The following PHKB variants were observed in gnomAD, a reference collection of about 807,000 sequenced individuals.
The protein encoded by PHKB is phosphorylase b kinase regulatory subunit beta.
Under a neutral mutation model 152.1 loss-of-function variants are expected in PHKB, and 122 were observed. The ratio of observed to expected loss-of-function variants is 0.80; its 90% CI spans 0.69 to 0.93. PHKB has a LOEUF of 0.93. PHKB is among the 40% of genes least tolerant of loss of function. PHKB has a pLI of 0.00. For synonymous variants in PHKB, 436 were observed against 464.9 expected, an observed-to-expected ratio of 0.94 and a Z score of 0.80; for missense variants, 1,304 against 1,328.4, an observed-to-expected ratio of 0.98 and a Z score of 0.29.
chr16:47,619,527 T>C (rs1972581253), intron 14 of PHKB: 1 of 152,126 alleles, frequency 6.6e-6, no homozygotes, highest in African/African-American at 2.4e-5. Context: ...TCTATAACAG[T>C]AATTTTAGTA....
chr16:47,516,345 C>T (rs1970597252), intron 6 of PHKB, among the ~76,000 whole-genome samples: 1 of 152,086 alleles, frequency 6.6e-6, no homozygotes, highest in African/African-American at 2.4e-5. Context: ...TCATGTTTTT[C>T]AAAAGACAAA....
Position 47,650,607 on chromosome 16 carries a change from A to G in PHKB, c.1861A>G (p.Ile621Val). The G allele has an allele frequency of 6.2e-7, 1 of 1,608,014 alleles. No individual in the cohort carries two copies. The highest frequency in any genetic ancestry group is 8.5e-7 in the Non-Finnish European group (1 of 1,174,488). The change falls in exon 19 of 31, where the codon ATC (isoleucine) becomes GTC (valine). Residue 621 changes from isoleucine to valine, a missense_variant. Coordinates refer to ENST00000323584, the MANE Select transcript of PHKB (RefSeq NM_000293.3). ...MHGRPLFLVLIREDNIRGSRF... is the reference protein window; with the variant it reads ...MHGRPLFLVLVREDNIRGSRF... ...TGGACGTCCACTTTTCCTTGTTCTC[A>G]TCCGGGAAGACAATATAAGGTAGGT...
chr16:47,662,431 C>T (rs1055245708), intron 23 of PHKB, among the ~76,000 whole-genome samples: 29 of 152,136 alleles, frequency 1.9e-4, no homozygotes, highest in Admixed American at 1.5e-3. Context: ...AGTTCAAGTA[C>T]TTAATGTCTA....
intron 7 of PHKB, among the ~76,000 whole-genome samples, chr16:47,568,064 T>C (rs771560022): frequency 1.4e-4 from 22 of 152,136 alleles, no homozygotes; most frequent in African/African-American, 7.2e-5. Context: ...GTAGAATGAG[T>C]GAGGGAATCC....
At position 47,512,336 on chromosome 16, in the gene PHKB, A is replaced by G. The variant is rs530989453; in HGVS notation, c.513+564A>G. On this transcript the variant is annotated intron_variant, in intron 5 of 30. Coordinates refer to ENST00000323584, the MANE Select transcript of PHKB (RefSeq NM_000293.3). ...CCGAGTGAATTCTTGGTCTTCAAGC[A>G]AAAAGGGTAAATGGATAGATTATAA... 4.6e-5 allele frequency among the ~76,000 whole-genome samples: 7 copies of G among 152,360 alleles called. No individual in the cohort carries two copies. In the South Asian group the frequency reaches 1.2e-3, roughly 27 times the overall value.
At chr16:47,578,740 C>A (rs910032727) in intron 7 of PHKB, among the ~76,000 whole-genome samples, 3 of 152,104 alleles carry the variant, frequency 2.0e-5, no homozygotes, top group African/African-American at 4.8e-5. Context: ...CTGACACCAC[C>A]ATGACTAAGA....
At chr16:47,505,771 G>A (rs1390991926) in intron 4 of PHKB, among the ~76,000 whole-genome samples, 3 of 152,026 alleles carry the variant, frequency 2.0e-5, no homozygotes, top group Non-Finnish European at 4.4e-5. Context: ...GGTGGCTCAC[G>A]CCTAAAATCA....
intron 6 of PHKB, among the ~76,000 whole-genome samples, chr16:47,537,629 T>C (rs1970974274): frequency 6.6e-6 from 1 of 152,120 alleles, no homozygotes; most frequent in East Asian, 1.9e-4. Flanking sequence ...CTCATATAAA[T>C]TTTATTGAAC....
intron 28 of PHKB, among the ~76,000 whole-genome samples, chr16:47,693,736 G>C (rs1318544558): frequency 9.9e-5 from 15 of 151,972 alleles, no homozygotes; most frequent in Non-Finnish European, 2.2e-4. Context: ...GGCAGAAAAG[G>C]CTCACTTTAC....
In PHKB at chr16:47,660,749, G is replaced by A. The variant is rs745659494; in HGVS notation, c.2126G>A (p.Gly709Glu). ...QSSTPSAPEL[G>E]QQPDVNISEW... ...AGCACCCCTAGTGCTCCTGAACTGG[G>A]ACAGCAGCCGGATGTCAACATTAGT... is the stretch of plus-strand genomic sequence containing the variant. Residue 709 changes from glycine (G) to glutamate (E), a missense_variant, in exon 22 of 31, where the codon GGA (glycine) becomes GAA (glutamate). Coordinates refer to ENST00000323584, the MANE Select transcript of PHKB (RefSeq NM_000293.3). The A allele has an allele frequency of 3.7e-6, 6 of 1,613,992 alleles. No individual in the cohort carries two copies. The highest frequency in any genetic ancestry group is 1.1e-5 in the South Asian group (1 of 91,080).
intron 14 of PHKB, among the ~76,000 whole-genome samples, chr16:47,635,079 G>A (rs1175376916): frequency 6.6e-6 from 1 of 152,190 alleles, no homozygotes; most frequent in East Asian, 1.9e-4. Flanking sequence ...AAGTAGAGTA[G>A]TATTAGCAGT....
chr16:47,633,627 T>C (rs1414318118), intron 14 of PHKB, among the ~76,000 whole-genome samples: 2 of 152,040 alleles, frequency 1.3e-5, no homozygotes, highest in East Asian at 3.9e-4. Flanking sequence ...AGGATCTGGA[T>C]AGATAAAGGA....
intron 26 of PHKB, among the ~76,000 whole-genome samples, chr16:47,679,981 G>A (rs1973817333): frequency 6.6e-6 from 1 of 152,178 alleles, no homozygotes; most frequent in South Asian, 2.1e-4. Flanking sequence ...AGCATGAAGT[G>A]TTGTTGAATT....
intron 1 of PHKB, among the ~76,000 whole-genome samples, chr16:47,490,502 C>T (rs1270370845): frequency 6.6e-6 from 1 of 152,120 alleles, no homozygotes; most frequent in East Asian, 1.9e-4. Flanking sequence ...GAACATCATT[C>T]TGGCAATCCC....
chr16:47,647,565 A>G (rs1354375527), intron 16 of PHKB, among the ~76,000 whole-genome samples: 1 of 150,104 alleles, frequency 6.7e-6, no homozygotes, highest in East Asian at 2.0e-4. Context: ...TGGCTCGATC[A>G]TGGCTCACTG....
chr16:47,646,857 T>C (rs1973137948), intron 16 of PHKB, among the ~76,000 whole-genome samples: 1 of 151,836 alleles, frequency 6.6e-6, no homozygotes, highest in Non-Finnish European at 1.5e-5. Flanking sequence ...TGTCCAAAGA[T>C]GTTTATTGAA....
chr16:47,634,675 A>G (rs896669242), intron 14 of PHKB, among the ~76,000 whole-genome samples: 7 of 152,192 alleles, frequency 4.6e-5, no homozygotes, highest in African/African-American at 1.7e-4. Flanking sequence ...AACCTGGAGG[A>G]GAAAACACAC....
intron 6 of PHKB, among the ~76,000 whole-genome samples, chr16:47,546,290 C>T (rs949895788): frequency 5.3e-5 from 8 of 152,094 alleles, no homozygotes; most frequent in Admixed American, 1.3e-4. Context: ...ATGTCCTTTT[C>T]GTTGATGTCG....
chr16:47,685,773 ACT>A (rs1421821141), intron 26 of PHKB, among the ~76,000 whole-genome samples: 1 of 145,574 alleles, frequency 6.9e-6, no homozygotes, highest in African/African-American at 2.6e-5. Flanking sequence ...ACAGAGTCTC[ACT>A]CTGTTGCCCA....
Sources: gnomAD v4.1 joint callset for allele counts (sites outside exome capture counted in the v4.1 genomes callset) on GRCh38, gnomAD v4.1.1 for gene constraint, MANE v1.5 for transcripts, NCBI Gene and HGNC (gene_info 2026-07-23, HGNC 2026-07-21) for gene names.